CHST8: variants seen among roughly 807,000 people sequenced by gnomAD.
CHST8 encodes the protein carbohydrate sulfotransferase 8, also known as GALNAC-4-ST1.
CHST8 carries 10 observed loss-of-function variants against 15.0 expected under a neutral mutation model. That is an observed-to-expected ratio of 0.67 (90% CI 0.41 to 1.13). CHST8 has a LOEUF of 1.13. Among genes scored for constraint, CHST8 ranks in the 50% most tolerant of loss-of-function variants. The pLI, the probability that CHST8 is intolerant of heterozygous loss-of-function variation, is 0.00. For missense variants in CHST8, 634 were observed against 608.2 expected, an observed-to-expected ratio of 1.04 and a Z score of -0.45; for synonymous variants, 259 against 256.6, an observed-to-expected ratio of 1.01 and a Z score of -0.09.
chr19:33,672,114 A>T (rs1156445002), intron 2 of CHST8, among the ~76,000 whole-genome samples: 1 of 152,154 alleles, frequency 6.6e-6, no homozygotes, highest in East Asian at 1.9e-4. Flanking sequence ...AAAAAATCAA[A>T]CAGGATCAAA....
At chr19:33,748,832 C>T (rs2145352690) in intron 3 of CHST8, among the ~76,000 whole-genome samples, 1 of 152,256 alleles carries the variant, frequency 6.6e-6, no homozygotes, top group African/African-American at 2.4e-5. Flanking sequence ...ATCCAGAAGC[C>T]AGTGCAGTGA....
chr19:33,684,635 A>T (rs1434690781), intron 2 of CHST8: 1 of 152,068 alleles, frequency 6.6e-6, no homozygotes, highest in Non-Finnish European at 1.5e-5. Context: ...CCATCTCAGA[A>T]GTAAGCGAGA....
chr19:33,760,425 C>T lies in CHST8; in HGVS notation c.131-10988C>T, dbSNP rs367559073. 9.2e-5 allele frequency among the ~76,000 whole-genome samples: 14 copies of T among 151,774 alleles called. No homozygotes were observed. The East Asian group carries it at 2.7e-3, about 29-fold the overall frequency. On this transcript the variant is annotated intron_variant, in intron 3 of 4. Coordinates refer to ENST00000650847, the MANE Select transcript of CHST8 (RefSeq NM_001127895.2). ...CTCTAACGCTTGGACTCAACTGATC[C>T]TCCCACCTTAGCCTTCTGAGCAGCT...
At chr19:33,649,574 G>A (rs58512973) in intron 1 of CHST8, among the ~76,000 whole-genome samples, 4 of 152,234 alleles carry the variant, frequency 2.6e-5, no homozygotes, top group African/African-American at 7.2e-5. Flanking sequence ...CATGAGGGGG[G>A]TCTGGACGCA....
chr19:33,669,533 GC>G (rs1972707987), intron 2 of CHST8, among the ~76,000 whole-genome samples: 1 of 152,136 alleles, frequency 6.6e-6, no homozygotes, highest in Non-Finnish European at 1.5e-5. Flanking sequence ...TCCATTCTCT[GC>G]TTCACATGAG....
intron 3 of CHST8, among the ~76,000 whole-genome samples, chr19:33,771,048 G>T (rs1974971237): frequency 6.6e-6 from 1 of 152,164 alleles, no homozygotes; most frequent in Non-Finnish European, 1.5e-5. Flanking sequence ...GTGACTTAAT[G>T]ACATGGTGGG....
chr19:33,740,476 G>A (rs1185058940), intron 3 of CHST8, among the ~76,000 whole-genome samples: 1 of 152,214 alleles, frequency 6.6e-6, no homozygotes, highest in Non-Finnish European at 1.5e-5. Flanking sequence ...CAGCTTGCTG[G>A]ACTGGGTCAC....
intron 3 of CHST8, among the ~76,000 whole-genome samples, chr19:33,741,100 C>G (rs1458742462): frequency 6.6e-6 from 1 of 152,174 alleles, no homozygotes; most frequent in East Asian, 1.9e-4. Context: ...CAGCTAATTG[C>G]CAATTTTCTG....
At chr19:33,668,802 C>T (rs575040598) in intron 2 of CHST8, among the ~76,000 whole-genome samples, 31 of 152,172 alleles carry the variant, frequency 2.0e-4, no homozygotes, top group African/African-American at 6.5e-4. Flanking sequence ...GATTTTGCTT[C>T]GTGACACTCG....
chr19:33,735,431 T>C (rs1473155477), intron 3 of CHST8, among the ~76,000 whole-genome samples: 1 of 152,144 alleles, frequency 6.6e-6, no homozygotes, highest in Non-Finnish European at 1.5e-5. Flanking sequence ...TGCCCCCTTC[T>C]CCCGACTGCC....
intron 3 of CHST8, among the ~76,000 whole-genome samples, chr19:33,745,330 C>T (rs1974292883): frequency 6.6e-6 from 1 of 152,238 alleles, no homozygotes; most frequent in South Asian, 2.1e-4. Context: ...CATTTTTTTA[C>T]ATGCCAGGGC....
intron 1 of CHST8, among the ~76,000 whole-genome samples, chr19:33,642,219 G>C (rs1260843145): frequency 1.3e-5 from 2 of 152,134 alleles, no homozygotes; most frequent in African/African-American, 4.8e-5. Context: ...ATGGGTGGGC[G>C]ACTGGCTGGG....
chr19:33,625,736 C>T (rs965940949), intron 1 of CHST8, among the ~76,000 whole-genome samples: 3 of 152,058 alleles, frequency 2.0e-5, no homozygotes, highest in African/African-American at 7.2e-5. Flanking sequence ...GTGGTGCTCA[C>T]CTGTAGTCCC....
chr19:33,642,543 AG>A (rs1972297908), intron 1 of CHST8, among the ~76,000 whole-genome samples: 1 of 151,852 alleles, frequency 6.6e-6, no homozygotes, highest in African/African-American at 2.4e-5. Flanking sequence ...TTGTATTTTT[AG>A]TGGAGATGGG....
chr19:33,756,669 C>T (rs1974553780), intron 3 of CHST8, among the ~76,000 whole-genome samples: 1 of 152,210 alleles, frequency 6.6e-6, no homozygotes, highest in Admixed American at 6.5e-5. Context: ...ATTTCCTTTT[C>T]CTACCCCCGC....
chr19:33,736,956 C>A (rs535430151), intron 3 of CHST8, among the ~76,000 whole-genome samples: 1 of 152,154 alleles, frequency 6.6e-6, no homozygotes, highest in Non-Finnish European at 1.5e-5. Context: ...AAGCAACCTC[C>A]GGTTACCCTT....
chr19:33,725,559 G>A (rs1488659753), intron 3 of CHST8, among the ~76,000 whole-genome samples: 1 of 152,098 alleles, frequency 6.6e-6, no homozygotes, highest in African/African-American at 2.4e-5. Context: ...AGCAAGAAGG[G>A]TGCTTCTCCT....
At chr19:33,702,377 G>A (rs1568334681) in intron 3 of CHST8, among the ~76,000 whole-genome samples, 1 of 152,206 alleles carries the variant, frequency 6.6e-6, no homozygotes, top group Non-Finnish European at 1.5e-5. Context: ...CAAACTCCTC[G>A]ATATTTCTTT....
At chr19:33,669,987 G>T (rs1972715824) in intron 2 of CHST8, among the ~76,000 whole-genome samples, 1 of 152,170 alleles carries the variant, frequency 6.6e-6, no homozygotes, top group Non-Finnish European at 1.5e-5. Context: ...CATTAAGGGT[G>T]TTCCAGAAAT....
Sources: allele counts gnomAD v4.1 joint callset (sites outside exome capture counted in the v4.1 genomes callset), GRCh38; gene constraint gnomAD v4.1.1; transcripts MANE v1.5; gene names NCBI Gene and HGNC (gene_info 2026-07-23, HGNC 2026-07-21).